Variants in KALRN observed in about 807,000 individuals in gnomAD.
The protein encoded by KALRN is kalirin.
Under a neutral mutation model 353.7 loss-of-function variants are expected in KALRN, and 70 were observed. The ratio of observed to expected loss-of-function variants is 0.20; its 90% CI spans 0.16 to 0.24. KALRN has a LOEUF of 0.24. Ranked by LOEUF, KALRN falls within the 10% of genes least tolerant of loss-of-function variation. KALRN has a pLI of 1.00. For synonymous variants in KALRN, 1,391 were observed against 1,434.8 expected (o/e 0.97, Z 0.69); for missense variants, 2,791 against 3,756.7 (o/e 0.74, Z 6.72).
intron 33 of KALRN, among the ~76,000 whole-genome samples, chr3:124,517,161 C>T (rs1288754471): frequency 6.6e-6 from 1 of 152,216 alleles, no homozygotes; most frequent in African/African-American, 2.4e-5. Context: ...AAGTTGGGCT[C>T]AGTGAGTTCA....
intron 10 of KALRN, among the ~76,000 whole-genome samples, chr3:124,362,070 G>C (rs2084110023): frequency 6.6e-6 from 1 of 152,130 alleles, no homozygotes; most frequent in Non-Finnish European, 1.5e-5. Context: ...ATCAGGTTGT[G>C]GGGGCTGATG....
At chr3:124,131,271 T>C (rs996515002) in intron 1 of KALRN, among the ~76,000 whole-genome samples, 17 of 152,168 alleles carry the variant, frequency 1.1e-4, no homozygotes, top group Admixed American at 3.3e-4. Flanking sequence ...TCCAACTTGC[T>C]CTGGAAAGAA....
chr3:124,432,443 A>C (rs760461354), intron 16 of KALRN, among the ~76,000 whole-genome samples: 48 of 152,194 alleles, frequency 3.2e-4, no homozygotes, highest in Non-Finnish European at 5.7e-4. Flanking sequence ...GGCACATAGC[A>C]GTCAAGTTCC....
intron 3 of KALRN, among the ~76,000 whole-genome samples, chr3:124,246,043 T>G (rs756951036): frequency 1.1e-4 from 16 of 152,234 alleles, no homozygotes; most frequent in Non-Finnish European, 1.6e-4. Context: ...AAGATCTCAT[T>G]CTTTTTATTG....
At chr3:124,502,001 T>A (rs181064989) in intron 33 of KALRN, among the ~76,000 whole-genome samples, 212 of 152,342 alleles carry the variant, frequency 1.4e-3, no homozygotes, top group Non-Finnish European at 2.2e-3. Context: ...ATGCTGCAAC[T>A]GAAAGGACTT....
chr3:124,134,744 A>G (rs1400094493), intron 1 of KALRN, among the ~76,000 whole-genome samples: 1 of 152,234 alleles, frequency 6.6e-6, no homozygotes. Context: ...TCAAAAGAAG[A>G]TACACAAATG....
In KALRN at chr3:124,187,831, G is replaced by C. The variant is rs77317508; in HGVS notation, c.74-40159G>C. Among the ~76,000 whole-genome samples the C allele has an allele frequency of 4.1e-4, 62 of 152,244 alleles. 1 individual carries two copies. In the East Asian group the frequency reaches 0.012, roughly 28 times the overall value. On this transcript the variant is annotated intron_variant, in intron 1 of 59. Transcript: ENST00000682506. ...ATTTTAAGATTCATATTTGAAGGAG[G>C]AAGACTAAATGGCTTTGTTGAAGGG... is the stretch of plus-strand genomic sequence containing the variant.
intron 15 of KALRN, 23 bp from the exon 16 acceptor site, chr3:124,430,633 G>C: frequency 1.2e-6 from 2 of 1,613,466 alleles, no homozygotes; most frequent in Non-Finnish European, 1.7e-6. Context: ...CCATTCACCT[G>C]TGTGCTTGTC....
At chr3:124,429,804 T>A (rs987716272) in intron 15 of KALRN, among the ~76,000 whole-genome samples, 4 of 152,218 alleles carry the variant, frequency 2.6e-5, no homozygotes, top group African/African-American at 9.6e-5. Flanking sequence ...TTTAAGTCAA[T>A]TATATTATAG....
Position 124,492,899 on chromosome 3 carries a change from C to T in KALRN, c.4832+17C>T. ...TAGTAAGAGGTAACCAGCACCTCTC[C>T]CTCCAGCACTGCCTGCCTCACAGGC... is the stretch of plus-strand genomic sequence containing the variant. On this transcript the variant is annotated intron_variant, in intron 32 of 59. Coordinates refer to ENST00000682506, the MANE Select transcript of KALRN (RefSeq NM_001388419.1). 1.2e-6 allele frequency: 2 copies of T among 1,610,944 alleles called. No homozygotes were observed. Among genetic ancestry groups the T allele is most frequent in the Non-Finnish European group, 1.7e-6 (2 of 1,177,598 alleles).
At chr3:124,623,873 GTGC>G (rs2079614397) in intron 34 of KALRN, among the ~76,000 whole-genome samples, 1 of 152,236 alleles carries the variant, frequency 6.6e-6, no homozygotes, top group Non-Finnish European at 1.5e-5. Context: ...GATATGTTCA[GTGC>G]ACAAGCTCTC....
intron 3 of KALRN, among the ~76,000 whole-genome samples, chr3:124,247,373 G>A (rs146240452): frequency 3.0e-4 from 46 of 152,222 alleles, no homozygotes; most frequent in African/African-American, 1.1e-3. Flanking sequence ...TCAACTACAA[G>A]TGAGTTTGAT....
intron 10 of KALRN, among the ~76,000 whole-genome samples, chr3:124,359,999 C>T (rs1203571995): frequency 6.6e-6 from 1 of 152,198 alleles, no homozygotes; most frequent in African/African-American, 2.4e-5. Flanking sequence ...GAGATGGGTG[C>T]CTTATTTGAC....
intron 33 of KALRN, among the ~76,000 whole-genome samples, chr3:124,498,891 T>C (rs534974876): frequency 2.0e-5 from 3 of 151,956 alleles, no homozygotes; most frequent in Admixed American, 6.6e-5. Context: ...CCCCTGACTA[T>C]ACTAGATGGC....
At chr3:124,362,537 A>G (rs575424763) in intron 10 of KALRN, among the ~76,000 whole-genome samples, 34 of 152,274 alleles carry the variant, frequency 2.2e-4, no homozygotes, top group African/African-American at 4.8e-5. Context: ...CTTTGGATTT[A>G]AATAGAGATT....
intron 21 of KALRN, among the ~76,000 whole-genome samples, chr3:124,450,163 AG>A (rs1167170015): frequency 6.6e-6 from 1 of 152,180 alleles, no homozygotes; most frequent in Admixed American, 6.5e-5. Context: ...TACTCTCACC[AG>A]CAGTTTGTGA....
intron 13 of KALRN, among the ~76,000 whole-genome samples, chr3:124,411,969 A>G (rs1227251301): frequency 1.3e-5 from 2 of 152,086 alleles, no homozygotes; most frequent in East Asian, 3.9e-4. Flanking sequence ...GTGGGGTGTG[A>G]AGTGAGAACC....
intron 5 of KALRN, among the ~76,000 whole-genome samples, chr3:124,288,852 G>A (rs2076176871): frequency 2.0e-5 from 3 of 152,124 alleles, no homozygotes; most frequent in Admixed American, 1.3e-4. Flanking sequence ...TAGCTCTGAG[G>A]GATGACGCGA....
Position 124,699,957 on chromosome 3 carries a change from C to T in KALRN, c.7920C>T (p.Phe2640=). ...EDLSPGCPYQ[F]RVSASNPWGI... ...TTAGTCCCGGGTGTCCTTATCAGTT[C>T]AGAGTCAGTGCCAGTAACCCCTGGG... Residue 2640 remains phenylalanine, a synonymous_variant, in exon 56 of 60, where the codon TTC becomes TTT. Transcript: ENST00000682506. 6.2e-7 allele frequency: 1 copy of T among 1,614,168 alleles called. No homozygotes were observed. Among genetic ancestry groups the T allele is most frequent in the Non-Finnish European group, 8.5e-7 (1 of 1,180,028 alleles).
Sources: allele counts gnomAD v4.1 joint callset (sites outside exome capture counted in the v4.1 genomes callset), GRCh38; gene constraint gnomAD v4.1.1; transcripts MANE v1.5; gene names NCBI Gene and HGNC (gene_info 2026-07-23, HGNC 2026-07-21).